ERBB4: variants seen among roughly 807,000 people sequenced by gnomAD.
ERBB4 encodes receptor tyrosine-protein kinase erbB-4.
In ERBB4, 42 loss-of-function variants were observed where a neutral mutation model predicts 158.0. The ratio of observed to expected loss-of-function variants is 0.27; its 90% CI spans 0.21 to 0.34. The LOEUF (loss-of-function observed/expected upper bound fraction) is 0.34. Among genes scored for constraint, ERBB4 ranks in the 10% least tolerant of loss-of-function variants. The pLI is 1.00. For synonymous variants in ERBB4, 583 were observed against 558.7 expected (o/e 1.04, Z -0.61); for missense variants, 1,333 against 1,624.1 (o/e 0.82, Z 3.08).
chr2:211,504,998 T>C (rs2065710021), intron 20 of ERBB4, among the ~76,000 whole-genome samples: 1 of 152,014 alleles, frequency 6.6e-6, no homozygotes, highest in Non-Finnish European at 1.5e-5. Flanking sequence ...AGGGAGAAGA[T>C]GAAAAGGTAA....
At chr2:212,334,511 G>T (rs573930380) in intron 1 of ERBB4, among the ~76,000 whole-genome samples, 3 of 151,964 alleles carry the variant, frequency 2.0e-5, no homozygotes, top group African/African-American at 7.2e-5. Flanking sequence ...TCAAGGAATT[G>T]TTAGTTAAAA....
chr2:211,475,823 A>T (rs181314110), intron 20 of ERBB4, among the ~76,000 whole-genome samples: 1 of 152,262 alleles, frequency 6.6e-6, no homozygotes, highest in Admixed American at 6.6e-5. Context: ...TTTTCAACCA[A>T]ACAATAAAAG....
At chr2:211,522,494 C>G (rs1301915459) in intron 20 of ERBB4, among the ~76,000 whole-genome samples, 3 of 152,108 alleles carry the variant, frequency 2.0e-5, no homozygotes, top group Non-Finnish European at 4.4e-5. Context: ...GCGTTGTGAA[C>G]ATTATTGAAA....
At chr2:212,379,819 ATGTG>A (rs899320189) in intron 1 of ERBB4, among the ~76,000 whole-genome samples, 2 of 148,914 alleles carry the variant, frequency 1.3e-5, no homozygotes, top group African/African-American at 2.5e-5. Context: ...GTGTGTGTGT[ATGTG>A]TGTGTGTGTC....
At chr2:212,470,775 C>A (rs188280446) in intron 1 of ERBB4, among the ~76,000 whole-genome samples, 1 of 152,142 alleles carries the variant, frequency 6.6e-6, no homozygotes, top group Non-Finnish European at 1.5e-5. Context: ...GGCTAACAAT[C>A]TAAAAGAAGA....
chr2:212,250,709 T>C (rs1490483763), intron 1 of ERBB4, among the ~76,000 whole-genome samples: 1 of 151,840 alleles, frequency 6.6e-6, no homozygotes, highest in Non-Finnish European at 1.5e-5. Context: ...TTCAAACATC[T>C]TCCCTTCACG....
chr2:212,525,792 C>A (rs1476034141), intron 1 of ERBB4, among the ~76,000 whole-genome samples: 1 of 151,936 alleles, frequency 6.6e-6, no homozygotes, highest in Non-Finnish European at 1.5e-5. Context: ...ACAGTGGATT[C>A]TATTCTGTTG....
chr2:211,966,636 T>C (rs2081318600), intron 2 of ERBB4, among the ~76,000 whole-genome samples: 1 of 152,218 alleles, frequency 6.6e-6, no homozygotes, highest in South Asian at 2.1e-4. Flanking sequence ...CACTCTACTT[T>C]ATACTGGTGT....
At chr2:211,772,957 T>TG (rs1265057935) in intron 4 of ERBB4, among the ~76,000 whole-genome samples, 1 of 113,904 alleles carries the variant, frequency 8.8e-6, no homozygotes, top group African/African-American at 3.6e-5. Context: ...ATATATATAT[T>TG]TTTTTTTTTA....
chr2:211,610,496 T>C (rs1423518108), intron 19 of ERBB4, among the ~76,000 whole-genome samples: 3 of 152,176 alleles, frequency 2.0e-5, no homozygotes, highest in Non-Finnish European at 2.9e-5. Context: ...GGGCAAAAGA[T>C]TTCTACCTGC....
chr2:211,438,924 TA>T (rs2063913377), intron 20 of ERBB4, among the ~76,000 whole-genome samples: 1 of 152,104 alleles, frequency 6.6e-6, no homozygotes, highest in Non-Finnish European at 1.5e-5. Context: ...TAATATATAA[TA>T]AAAATTATTG....
At chr2:211,511,018 G>T (rs992994047) in intron 20 of ERBB4, among the ~76,000 whole-genome samples, 7 of 151,746 alleles carry the variant, frequency 4.6e-5, no homozygotes, top group African/African-American at 1.7e-4. Context: ...AGCACCAAGG[G>T]ATTATGAAAA....
intron 1 of ERBB4, among the ~76,000 whole-genome samples, chr2:212,274,659 A>C (rs898883364): frequency 5.3e-5 from 8 of 151,820 alleles, no homozygotes; most frequent in Non-Finnish European, 1.0e-4. Context: ...ACTGTGCATA[A>C]GTTTTAATAA....
chr2:212,290,945 G>A (rs1346316621), intron 1 of ERBB4, among the ~76,000 whole-genome samples: 1 of 152,100 alleles, frequency 6.6e-6, no homozygotes, highest in Non-Finnish European at 1.5e-5. Context: ...GTGTGTTTTA[G>A]TGTGTAAAAA....
chr2:212,113,630 T>C (rs567586744), intron 2 of ERBB4, among the ~76,000 whole-genome samples: 1 of 142,930 alleles, frequency 7.0e-6, no homozygotes, highest in African/African-American at 2.6e-5. Context: ...GATTTGTTAC[T>C]GGAGGGATTC....
chr2:211,714,082 G>A (rs1190498812), intron 7 of ERBB4, among the ~76,000 whole-genome samples: 1 of 152,162 alleles, frequency 6.6e-6, no homozygotes, highest in Admixed American at 6.5e-5. Context: ...AGGAGAAAAT[G>A]CTCAAAATGT....
intron 20 of ERBB4, among the ~76,000 whole-genome samples, chr2:211,463,328 A>T (rs1251796052): frequency 6.6e-6 from 1 of 152,176 alleles, no homozygotes; most frequent in African/African-American, 2.4e-5. Flanking sequence ...TTGATTAAGA[A>T]GGCTAATTTA....
At chr2:212,423,942 T>C (rs1262923885) in intron 1 of ERBB4, among the ~76,000 whole-genome samples, 1 of 152,202 alleles carries the variant, frequency 6.6e-6, no homozygotes, top group African/African-American at 2.4e-5. Context: ...AAAAGTTTAT[T>C]ATTAAAACCT....
At chr2:211,468,618 A>C (rs78353920) in intron 20 of ERBB4, among the ~76,000 whole-genome samples, 3,006 of 152,248 alleles carry the variant, frequency 0.02, 104 homozygotes, top group African/African-American at 0.068. Flanking sequence ...CCAACTCAGA[A>C]GAGGTCTTTA....
Sources: allele counts gnomAD v4.1 joint callset (sites outside exome capture counted in the v4.1 genomes callset), GRCh38; gene constraint gnomAD v4.1.1; transcripts MANE v1.5; gene names NCBI Gene and HGNC (gene_info 2026-07-23, HGNC 2026-07-21).